RAB21: variants seen among roughly 807,000 people sequenced by gnomAD.
RAB21 encodes the protein RAB21, member RAS oncogene family, also known as ras-related protein Rab-21.
In RAB21, 13 loss-of-function variants were observed where a neutral mutation model predicts 33.1. The observed-to-expected ratio is 0.39, with a 90% CI of 0.26 to 0.62. RAB21 has a LOEUF of 0.62. Among genes scored for constraint, RAB21 ranks in the 20% least tolerant of loss-of-function variants. The pLI is 0.48. For synonymous variants in RAB21, 91 were observed against 103.7 expected (o/e 0.88, Z 0.74); for missense variants, 234 against 279.1 (o/e 0.84, Z 1.15).
chr12:71,776,418 G>A (rs328711), intron 4 of RAB21, among the ~76,000 whole-genome samples: 4,952 of 152,112 alleles, frequency 0.033, 266 homozygotes, highest in African/African-American at 0.11. Flanking sequence ...AGAGAGAGTG[G>A]TTGCCAGATA....
chr12:71,776,457 A>G (rs1189350694), intron 4 of RAB21, among the ~76,000 whole-genome samples: 2 of 152,148 alleles, frequency 1.3e-5, no homozygotes, highest in Non-Finnish European at 2.9e-5. Flanking sequence ...AAATGTTTAT[A>G]TAGTGTATAT....
At chr12:71,784,474 G>A (rs1014508481) in intron 6 of RAB21, among the ~76,000 whole-genome samples, 3 of 149,028 alleles carry the variant, frequency 2.0e-5, no homozygotes, top group South Asian at 2.1e-4. Context: ...TTCATTTTTC[G>A]TTGTTTTTTG....
At chr12:71,763,397 G>T (rs969002846) in intron 1 of RAB21, among the ~76,000 whole-genome samples, 7 of 152,168 alleles carry the variant, frequency 4.6e-5, no homozygotes, top group African/African-American at 1.7e-4. Flanking sequence ...TAATTTGGCA[G>T]ATATATTTTT....
chr12:71,755,688 G>A (rs1181591023), intron 1 of RAB21, among the ~76,000 whole-genome samples: 5 of 152,208 alleles, frequency 3.3e-5, no homozygotes, highest in African/African-American at 1.2e-4. Flanking sequence ...TTGCGAATTA[G>A]GTGATTTGTA....
chr12:71,782,691 T>G, intron 6 of RAB21, 33 bp downstream of exon 6: 1 of 1,418,488 alleles, frequency 7.0e-7, no homozygotes, highest in Non-Finnish European at 9.6e-7. Context: ...TGTTTAGAAA[T>G]GGTTTTTGGT....
chr12:71,784,861 G>C (rs995247970), intron 6 of RAB21, among the ~76,000 whole-genome samples: 16 of 152,052 alleles, frequency 1.1e-4, no homozygotes, highest in African/African-American at 3.6e-4. Context: ...TGAGGCCAAG[G>C]CCATAGGATC....
At chr12:71,763,130 A>G (rs199762392) in intron 1 of RAB21, among the ~76,000 whole-genome samples, 2 of 132,414 alleles carry the variant, frequency 1.5e-5, no homozygotes, top group Non-Finnish European at 3.2e-5. Flanking sequence ...CACACACACA[A>G]TCTTACTATC....
Position 71,792,526 on chromosome 12 carries a change from G to A in RAB21, c.*6853G>A, listed in dbSNP as rs937487414. 12 of 152,186 alleles carry A rather than the reference G, an allele frequency of 7.9e-5. No individual in the cohort carries two copies. The highest frequency in any genetic ancestry group is 7.9e-4 in the Admixed American group (12 of 15,280). 9.4% of individuals were successfully genotyped at this position (152,186 alleles called of 1,614,324 possible). A position where few individuals can be genotyped will look rare whatever the true frequency, so the allele number is the denominator to read the frequency against. On this transcript the variant is annotated 3_prime_UTR_variant, in exon 7 of 7. Transcript: ENST00000261263. ...TGTGTGCTATGACACAAGGTTAAAC[G>A]TGTGCCCCAGAACAAATGCATTTAT...
intron 5 of RAB21, chr12:71,782,297 A>G (rs1883213558): frequency 1.8e-6 from 1 of 563,668 alleles, no homozygotes; most frequent in Non-Finnish European, 3.1e-6. Flanking sequence ...CGAGTGATAT[A>G]AAACAAAACT....
Position 71,791,036 on chromosome 12 carries a change from G to A in RAB21, c.*5363G>A, listed in dbSNP as rs1195583768. ...CTCGCTGTGTCACCCAGGCTGGAGT[G>A]TGGTGGCTCAGTGATAGTTCACTGC... On this transcript the variant is annotated 3_prime_UTR_variant, in exon 7 of 7. Coordinates refer to ENST00000261263, the MANE Select transcript of RAB21 (RefSeq NM_014999.4). The A allele has an allele frequency of 6.6e-6, 1 of 152,172 alleles. No individual in the cohort carries two copies. Among genetic ancestry groups the A allele is most frequent in the African/African-American group, 2.4e-5 (1 of 41,424 alleles). The allele number at this position is 152,172 out of a possible 1,614,324, so 9.4% of individuals were successfully genotyped here. A position where few individuals can be genotyped will look rare whatever the true frequency, so the allele number is the denominator to read the frequency against.
chr12:71,799,285 C>CTT lies in RAB21; in HGVS notation c.*13613_*13614dup, dbSNP rs1347946740. On this transcript the variant is annotated 3_prime_UTR_variant, in exon 7 of 7. Coordinates refer to ENST00000261263, the MANE Select transcript of RAB21 (RefSeq NM_014999.4). ...GTGGGATTCATTCCCATAGGCTCAA[C>CTT]TTAGATTCCTAAACCCTGCTCCTTC... 1 of 152,204 alleles carries CTT rather than the reference C, an allele frequency of 6.6e-6. No individual in the cohort carries two copies. The highest frequency in any genetic ancestry group is 2.4e-5 in the African/African-American group (1 of 41,446). 9.4% of individuals were successfully genotyped at this position (152,204 alleles called of 1,614,324 possible). A position where few individuals can be genotyped will look rare whatever the true frequency, so the allele number is the denominator to read the frequency against.
At chr12:71,782,742 T>TA (rs1883220739) in intron 6 of RAB21, 84 bp downstream of exon 6, 1 of 873,250 alleles carries the variant, frequency 1.1e-6, no homozygotes, top group South Asian at 2.1e-5. Flanking sequence ...ACACCAGTGT[T>TA]ACTTTTCAAA....
Position 71,755,155 on chromosome 12 carries a change from G to A in RAB21, c.26G>A (p.Gly9Asp). The A allele has an allele frequency of 7.7e-7, 1 of 1,300,810 alleles. No homozygotes were observed. 80.6% of individuals were successfully genotyped at this position (1,300,810 alleles called of 1,614,324 possible). A position where few individuals can be genotyped will look rare whatever the true frequency, so the allele number is the denominator to read the frequency against. Residue 9 changes from glycine to aspartate, a missense_variant, in exon 1 of 7, where the codon GGC becomes GAC. Physicochemically the swap from Gly to Asp is moderately conservative, Grantham distance 94. Transcript: ENST00000261263. ...ATGGCTGCGGCCGGCGGCGGCGGCG[G>A]CGGGGCGGCGGCGGCGGGCCGAGCC... is the stretch of plus-strand genomic sequence containing the variant. MAAAGGGG[G>D]GAAAAGRAYS...
intron 1 of RAB21, among the ~76,000 whole-genome samples, chr12:71,755,890 G>A (rs920740771): frequency 1.3e-5 from 2 of 152,146 alleles, no homozygotes; most frequent in African/African-American, 4.8e-5. Context: ...ATTGACCCAC[G>A]CTGAAACATC....
At position 71,782,754 on chromosome 12, in the gene RAB21, A is replaced by G. The variant is rs570466550; in HGVS notation, c.535+96A>G. On this transcript the variant is annotated intron_variant, in intron 6 of 6. Coordinates refer to ENST00000261263, the MANE Select transcript of RAB21 (RefSeq NM_014999.4). ...TTTACACCAGTGTTACTTTTCAAAGAATTGGTTCTTTTTAAACTATTGACT... is the reference window on the plus strand; with the variant it reads ...TTTACACCAGTGTTACTTTTCAAAGGATTGGTTCTTTTTAAACTATTGACT... 6 of 813,728 alleles carry G rather than the reference A, an allele frequency of 7.4e-6. No homozygotes were observed. In the Admixed American group the frequency reaches 1.4e-4, roughly 19 times the overall value. 50.4% of individuals were successfully genotyped at this position (813,728 alleles called of 1,614,324 possible).
At chr12:71,778,416 G>C (rs1343390179) in intron 4 of RAB21, among the ~76,000 whole-genome samples, 1 of 152,162 alleles carries the variant, frequency 6.6e-6, no homozygotes, top group African/African-American at 2.4e-5. Flanking sequence ...TGACAATGCT[G>C]AGGGGAAGAC....
At chr12:71,768,636 T>C (rs1361870719) in intron 1 of RAB21, among the ~76,000 whole-genome samples, 1 of 152,180 alleles carries the variant, frequency 6.6e-6, no homozygotes, top group Non-Finnish European at 1.5e-5. Context: ...TATCCCAGGG[T>C]CATTCTCTTA....
Position 71,786,591 on chromosome 12 carries a change from G to T in RAB21, c.*918G>T, listed in dbSNP as rs978168756. On this transcript the variant is annotated 3_prime_UTR_variant, in exon 7 of 7. Transcript: ENST00000261263. ...TTATCTGCTTTTACAAGCGCAAGGT[G>T]CAAAAATATATACAATAGTCTCATT... The T allele has an allele frequency of 6.6e-6, 1 of 152,582 alleles. No individual in the cohort carries two copies. The highest frequency in any genetic ancestry group is 1.5e-5 in the Non-Finnish European group (1 of 68,032). The allele number at this position is 152,582 out of a possible 1,614,324, so 9.5% of individuals were successfully genotyped here. A position where few individuals can be genotyped will look rare whatever the true frequency, so the allele number is the denominator to read the frequency against.
intron 4 of RAB21, among the ~76,000 whole-genome samples, chr12:71,777,992 A>G (rs1279403169): frequency 6.6e-6 from 1 of 152,146 alleles, no homozygotes; most frequent in Non-Finnish European, 1.5e-5. Flanking sequence ...GTCCTTTTTT[A>G]TAAGTATTGC....
Sources: allele counts gnomAD v4.1 joint callset (sites outside exome capture counted in the v4.1 genomes callset), GRCh38; gene constraint gnomAD v4.1.1; transcripts MANE v1.5; gene names NCBI Gene and HGNC (gene_info 2026-07-23, HGNC 2026-07-21).